The following TLN2 variants were observed in gnomAD, a reference collection of about 807,000 sequenced individuals.
The protein encoded by TLN2 is talin 2.
Under a neutral mutation model 294.7 loss-of-function variants are expected in TLN2, and 118 were observed. That is an observed-to-expected ratio of 0.40 (90% CI 0.34 to 0.47). The LOEUF (loss-of-function observed/expected upper bound fraction) is 0.47. Among genes scored for constraint, TLN2 ranks in the 20% least tolerant of loss-of-function variants. TLN2 has a pLI of 0.84. For missense variants in TLN2, 3,083 were observed against 3,282.2 expected (o/e 0.94, Z 1.48); for synonymous variants, 1,431 against 1,304.5 (o/e 1.10, Z -2.09).
intron 58 of TLN2, 40 bp from the exon 59 acceptor site, chr15:62,840,442 C>CAA (rs776632179): frequency 1.9e-6 from 3 of 1,609,978 alleles, no homozygotes; most frequent in South Asian, 1.1e-5. Context: ...GGGTTTTCTA[C>CAA]AAAGTGTTAG....
At chr15:62,425,598 T>C (rs1014074181) in intron 1 of TLN2, among the ~76,000 whole-genome samples, 2 of 152,198 alleles carry the variant, frequency 1.3e-5, no homozygotes, top group African/African-American at 4.8e-5. Context: ...TTTTTAATAT[T>C]AAAAGGGAGT....
chr15:62,573,215 C>G lies in TLN2; in HGVS notation c.-237-16472C>G, dbSNP rs187343362. Among the ~76,000 whole-genome samples, 397 of 152,240 alleles carry G rather than the reference C, an allele frequency of 2.6e-3. 2 individuals carry two copies. The highest frequency in any genetic ancestry group is 9.2e-3 in the African/African-American group (382 of 41,544). ...ACACCCCTCACCGGCTCTTTGACCT[C>G]CTCAAAACCTCCCTGCAGAACTCCT... On this transcript the variant is annotated intron_variant, in intron 1 of 58. Coordinates refer to ENST00000636159, the MANE Select transcript of TLN2 (RefSeq NM_015059.3).
intron 3 of TLN2, among the ~76,000 whole-genome samples, chr15:62,643,405 A>ATTTTT (rs571288380): frequency 1.4e-4 from 13 of 90,740 alleles, no homozygotes; most frequent in African/African-American, 4.8e-4. Context: ...TGGTTCCAGG[A>ATTTTT]TTTTTTTTTT....
At chr15:62,494,211 C>G (rs1280119388) in intron 1 of TLN2, among the ~76,000 whole-genome samples, 1 of 152,040 alleles carries the variant, frequency 6.6e-6, no homozygotes, top group Non-Finnish European at 1.5e-5. Context: ...CCAGGGCCGT[C>G]CAGCCTTCAC....
intron 1 of TLN2, among the ~76,000 whole-genome samples, chr15:62,515,097 T>C (rs953270836): frequency 6.6e-6 from 1 of 152,220 alleles, no homozygotes; most frequent in Non-Finnish European, 1.5e-5. Flanking sequence ...CTAAGGCCCA[T>C]TTTAATGCTA....
intron 1 of TLN2, among the ~76,000 whole-genome samples, chr15:62,503,996 C>A (rs913415353): frequency 6.6e-6 from 1 of 152,106 alleles, no homozygotes. Context: ...TTCATCTGTG[C>A]TTTTTTGAGC....
intron 1 of TLN2, among the ~76,000 whole-genome samples, chr15:62,518,119 A>C (rs956752574): frequency 2.0e-5 from 3 of 151,730 alleles, no homozygotes; most frequent in Admixed American, 1.3e-4. Flanking sequence ...GCTCACTGCA[A>C]CCTCCGCCTC....
In TLN2 at chr15:62,707,284, C is replaced by T. The variant is rs888817071; in HGVS notation, c.2172+31C>T. 14 of 1,569,494 alleles carry T rather than the reference C, an allele frequency of 8.9e-6. No homozygotes were observed. In the African/African-American group the frequency reaches 1.9e-4, roughly 21 times the overall value. ...CCAGCTGGCACCCCAGCCCTTTCTA[C>T]CCAGTATCACCTGCTGTTACCTGCC... On this transcript the variant is annotated intron_variant, in intron 20 of 58. Coordinates refer to ENST00000636159, the MANE Select transcript of TLN2 (RefSeq NM_015059.3).
chr15:62,757,360 G>T (rs2062345127), intron 37 of TLN2, among the ~76,000 whole-genome samples: 1 of 152,198 alleles, frequency 6.6e-6, no homozygotes, highest in Non-Finnish European at 1.5e-5. Flanking sequence ...GGAGGTAAGG[G>T]TGGAAAGAGC....
intron 46 of TLN2, among the ~76,000 whole-genome samples, chr15:62,794,719 G>A (rs1567621005): frequency 6.6e-6 from 1 of 152,154 alleles, no homozygotes; most frequent in African/African-American, 2.4e-5. Flanking sequence ...GTCTTGGAAC[G>A]TGGTAGGTAC....
intron 1 of TLN2, among the ~76,000 whole-genome samples, chr15:62,451,302 C>G (rs2036132154): frequency 6.6e-6 from 1 of 152,112 alleles, no homozygotes; most frequent in South Asian, 2.1e-4. Flanking sequence ...TTGTGGCAGT[C>G]TCGCCAGGTC....
At chr15:62,611,383 C>G (rs1042632420) in intron 2 of TLN2, among the ~76,000 whole-genome samples, 1 of 152,028 alleles carries the variant, frequency 6.6e-6, no homozygotes. Flanking sequence ...GGAGTATGTC[C>G]CTGGCTGGGA....
intron 52 of TLN2, among the ~76,000 whole-genome samples, chr15:62,814,385 C>G (rs781088848): frequency 3.9e-5 from 6 of 152,108 alleles, no homozygotes; most frequent in Non-Finnish European, 7.3e-5. Context: ...TGGCCCTTGC[C>G]TTCAAGTAGC....
At chr15:62,623,726 C>T (rs1298528782) in intron 3 of TLN2, among the ~76,000 whole-genome samples, 1 of 152,138 alleles carries the variant, frequency 6.6e-6, no homozygotes, top group African/African-American at 2.4e-5. Flanking sequence ...GGCAGTTTTC[C>T]ACTTGATCCA....
At chr15:62,585,650 T>C (rs1216342153) in intron 1 of TLN2, among the ~76,000 whole-genome samples, 1 of 152,214 alleles carries the variant, frequency 6.6e-6, no homozygotes, top group African/African-American at 2.4e-5. Flanking sequence ...TGGGAGCTGC[T>C]AAATGATTTA....
chr15:62,738,460 G>A (rs193274242), intron 30 of TLN2, 127 bp downstream of exon 30: 106 of 1,268,668 alleles, frequency 8.4e-5, no homozygotes, highest in African/African-American at 7.1e-4. Context: ...TGTTTTTCCC[G>A]CCAGTCTTTG....
intron 13 of TLN2, among the ~76,000 whole-genome samples, chr15:62,693,527 C>T (rs2058086067): frequency 6.6e-6 from 1 of 152,100 alleles, no homozygotes; most frequent in African/African-American, 2.4e-5. Context: ...ATCTTCCTCT[C>T]CACGTAGCTG....
At chr15:62,416,968 T>C (rs1312995339) in intron 1 of TLN2, among the ~76,000 whole-genome samples, 2 of 152,212 alleles carry the variant, frequency 1.3e-5, no homozygotes, top group South Asian at 2.1e-4. Context: ...CTCCGCTTCC[T>C]ATCTCCAGAA....
At chr15:62,424,425 G>A (rs2034587162) in intron 1 of TLN2, among the ~76,000 whole-genome samples, 1 of 152,192 alleles carries the variant, frequency 6.6e-6, no homozygotes, top group African/African-American at 2.4e-5. Flanking sequence ...TCTGCAGTGG[G>A]TAGGGAAGGA....
Sources: gnomAD v4.1 joint callset for allele counts (sites outside exome capture counted in the v4.1 genomes callset) on GRCh38, gnomAD v4.1.1 for gene constraint, MANE v1.5 for transcripts, NCBI Gene and HGNC (gene_info 2026-07-23, HGNC 2026-07-21) for gene names.